The following LRRC37A3 variants were observed in gnomAD, a reference collection of about 807,000 sequenced individuals.
The protein encoded by LRRC37A3 is leucine-rich repeat-containing protein 37A3.
A neutral mutation model predicts 106.2 loss-of-function variants in LRRC37A3; 25 were observed. The ratio of observed to expected loss-of-function variants is 0.24; its 90% CI spans 0.17 to 0.33. The LOEUF is 0.33. LRRC37A3 is among the 10% of genes least tolerant of loss of function. LRRC37A3 has a pLI of 1.00. For missense variants in LRRC37A3, 712 were observed against 1,644.9 expected (o/e 0.43, Z 9.81); for synonymous variants, 305 against 635.8 (o/e 0.48, Z 7.83).
chr17:64,878,806 T>C (rs1314193479), intron 8 of LRRC37A3, among the ~76,000 whole-genome samples: 1 of 152,230 alleles, frequency 6.6e-6, no homozygotes, highest in African/African-American at 2.4e-5. Context: ...AGTTGCCATA[T>C]GATCTAGCAA....
At chr17:64,863,511 A>T (rs1450342081) in intron 10 of LRRC37A3, 1 of 158,748 alleles carries the variant, frequency 6.3e-6, no homozygotes, top group East Asian at 1.9e-4. Flanking sequence ...CAATTTGAGC[A>T]TTCAAAAGAA....
At chr17:64,863,102 G>A in intron 10 of LRRC37A3, 84 bp from the exon 11 acceptor site, 3 of 1,567,856 alleles carry the variant, frequency 1.9e-6, no homozygotes, top group Non-Finnish European at 2.6e-6. Context: ...CTACCACAGG[G>A]GTGGGAAAAA....
chr17:64,904,496 TAAAC>T (rs1253878276), intron 2 of LRRC37A3, among the ~76,000 whole-genome samples: 6 of 148,244 alleles, frequency 4.0e-5, no homozygotes, highest in South Asian at 2.1e-4. Flanking sequence ...AATAAATAGA[TAAAC>T]AAATCTTTAG....
intron 13 of LRRC37A3, among the ~76,000 whole-genome samples, chr17:64,857,226 T>A (rs907954318): frequency 1.3e-5 from 2 of 152,036 alleles, no homozygotes; most frequent in African/African-American, 4.8e-5. Context: ...GTACCACCAA[T>A]AACTAATTAG....
chr17:64,869,716 T>C (rs1048108894), intron 8 of LRRC37A3, among the ~76,000 whole-genome samples: 6 of 151,854 alleles, frequency 4.0e-5, no homozygotes, highest in Non-Finnish European at 8.8e-5. Context: ...AATTTTTGTA[T>C]TTTTAGTAGA....
chr17:64,857,456 T>C (rs1436101963), intron 13 of LRRC37A3, among the ~76,000 whole-genome samples: 2 of 152,222 alleles, frequency 1.3e-5, no homozygotes, highest in South Asian at 2.1e-4. Flanking sequence ...AATCTACAAA[T>C]TTAACATAAT....
chr17:64,880,838 G>A (rs1047662385), intron 8 of LRRC37A3, among the ~76,000 whole-genome samples: 2 of 151,898 alleles, frequency 1.3e-5, no homozygotes, highest in Non-Finnish European at 2.9e-5. Flanking sequence ...TCTATTAACT[G>A]AGGAGACAGA....
At position 64,877,184 on chromosome 17, in the gene LRRC37A3, C is replaced by T. The variant is rs1490704034; in HGVS notation, c.2907-8018G>A. 5.3e-5 allele frequency among the ~76,000 whole-genome samples: 8 copies of T among 152,052 alleles called. No individual in the cohort carries two copies. In the East Asian group the frequency reaches 1.2e-3, roughly 22 times the overall value. ...GGTGGATCATCTGAGGTTAGGAGTT[C>T]GAGAGCAGCCTGATAAACGTGCTGA... On this transcript the variant is annotated intron_variant, in intron 8 of 14. Coordinates refer to ENST00000584306, the MANE Select transcript of LRRC37A3 (RefSeq NM_199340.5).
chr17:64,858,794 A>G lies in LRRC37A3; in HGVS notation c.4794T>C (p.Leu1598=). 6.2e-7 allele frequency: 1 copy of G among 1,610,626 alleles called. No individual in the cohort carries two copies. Among genetic ancestry groups the G allele is most frequent in the East Asian group, 2.2e-5 (1 of 44,854 alleles). The part of the protein sequence containing the change: ...VTGILTILII[L]LCLIEICCHR... ...TTGTCCTTACCTCAATGAGGCAGAG[A>G]AGTATAATCAAAATCGTTAGTATTC... Residue 1598 remains leucine, a synonymous_variant, in exon 13 of 15, where the codon CTT becomes CTC. Coordinates refer to ENST00000584306, the MANE Select transcript of LRRC37A3 (RefSeq NM_199340.5).
At chr17:64,864,733 C>T (rs1333887676) in intron 10 of LRRC37A3, among the ~76,000 whole-genome samples, 1 of 151,592 alleles carries the variant, frequency 6.6e-6, no homozygotes, top group Admixed American at 6.6e-5. Context: ...ATAGTACCTA[C>T]CTCTAATGAA....
At chr17:64,859,167 G>A (rs901222071) in intron 12 of LRRC37A3, among the ~76,000 whole-genome samples, 1 of 152,048 alleles carries the variant, frequency 6.6e-6, no homozygotes, top group African/African-American at 2.4e-5. Flanking sequence ...GGCCAAGCTG[G>A]TCTCAAACTC....
chr17:64,858,172 T>C (rs750849656), intron 13 of LRRC37A3, among the ~76,000 whole-genome samples: 11 of 151,998 alleles, frequency 7.2e-5, no homozygotes, highest in Non-Finnish European at 1.5e-4. Context: ...TCACAGAGGG[T>C]CTAGGCTCAG....
At chr17:64,903,956 C>G (rs1372809171) in intron 2 of LRRC37A3, among the ~76,000 whole-genome samples, 1 of 151,910 alleles carries the variant, frequency 6.6e-6, no homozygotes, top group Non-Finnish European at 1.5e-5. Context: ...CTGACCAACA[C>G]AGTGAAACCC....
At chr17:64,872,296 G>C (rs2143458530) in intron 8 of LRRC37A3, among the ~76,000 whole-genome samples, 1 of 150,546 alleles carries the variant, frequency 6.6e-6, no homozygotes, top group Middle Eastern at 3.5e-3. Context: ...AACCCAAGGA[G>C]CATTTATTCA....
intron 10 of LRRC37A3, among the ~76,000 whole-genome samples, chr17:64,866,197 A>G (rs1001835453): frequency 7.9e-5 from 12 of 151,914 alleles, no homozygotes; most frequent in Non-Finnish European, 1.6e-4. Flanking sequence ...GATCCTCACT[A>G]TCTTAGAGAA....
Position 64,865,194 on chromosome 17 carries a change from AGTGCAGTG to A in LRRC37A3, c.3054-2184_3054-2177del, listed in dbSNP as rs1213986704. Among the ~76,000 whole-genome samples, 10 of 152,314 alleles carry A rather than the reference AGTGCAGTG, an allele frequency of 6.6e-5. No homozygotes were observed. In the East Asian group the frequency reaches 1.7e-3, roughly 26 times the overall value. ...AGGTCTCACTCTGTTACACAGGCTG[AGTGCAGTG>A]GTGCAATCTTGGCTCACTGCAGCCT... is the stretch of plus-strand genomic sequence containing the variant. On this transcript the variant is annotated intron_variant, in intron 10 of 14. Coordinates refer to ENST00000584306, the MANE Select transcript of LRRC37A3 (RefSeq NM_199340.5).
chr17:64,881,283 C>T (rs1412391458), intron 8 of LRRC37A3: 1 of 691,178 alleles, frequency 1.4e-6, no homozygotes, highest in Middle Eastern at 3.7e-4. Context: ...CACTCTGTTG[C>T]CCAGGCTGGA....
intron 8 of LRRC37A3, among the ~76,000 whole-genome samples, chr17:64,874,573 G>A (rs1432417105): frequency 3.3e-5 from 5 of 152,354 alleles, no homozygotes; most frequent in Middle Eastern, 3.4e-3. Context: ...CCCTCTGCCC[G>A]GCCGCCACCC....
rs1180004509 is a variant in LRRC37A3 at position 64,869,960 on chromosome 17, C to T, written c.2907-794G>A. ...GAAGGAATAAATCTAAGAGGAAGAA[C>T]TGGTCAAAACCATACTCCCACTTGT... On this transcript the variant is annotated intron_variant, in intron 8 of 14. Coordinates refer to ENST00000584306, the MANE Select transcript of LRRC37A3 (RefSeq NM_199340.5). Among the ~76,000 whole-genome samples, 6 of 150,756 alleles carry T rather than the reference C, an allele frequency of 4.0e-5. No homozygotes were observed. The South Asian group carries it at 6.2e-4, about 16-fold the overall frequency.
Sources: allele counts gnomAD v4.1 joint callset (sites outside exome capture counted in the v4.1 genomes callset), GRCh38; gene constraint gnomAD v4.1.1; transcripts MANE v1.5; gene names NCBI Gene and HGNC (gene_info 2026-07-23, HGNC 2026-07-21).